DOCK5: variants seen among roughly 807,000 people sequenced by gnomAD.
The protein encoded by DOCK5 is dedicator of cytokinesis protein 5.
In DOCK5, 142 loss-of-function variants were observed where a neutral mutation model predicts 251.8. The observed-to-expected ratio is 0.56, with a 90% CI of 0.49 to 0.65. The LOEUF is 0.65. Ranked by LOEUF, DOCK5 falls within the 30% of genes least tolerant of loss-of-function variation. DOCK5 has a pLI of 0.00. For missense variants in DOCK5, 2,111 were observed against 2,312.3 expected, an observed-to-expected ratio of 0.91 and a Z score of 1.79; for synonymous variants, 842 against 835.5, an observed-to-expected ratio of 1.01 and a Z score of -0.13.
intron 7 of DOCK5, 87 bp from the exon 8 acceptor site, chr8:25,298,857 C>T (rs977955606): frequency 1.4e-6 from 2 of 1,382,058 alleles, no homozygotes; most frequent in South Asian, 1.5e-5. Context: ...CTGCCATTTG[C>T]AGGCTTATTT....
chr8:25,296,701 G>A, intron 7 of DOCK5, 53 bp downstream of exon 7: 2 of 1,591,480 alleles, frequency 1.3e-6, no homozygotes, highest in Non-Finnish European at 1.7e-6. Flanking sequence ...TTTTTGCCTT[G>A]GTTTTTAATG....
At position 25,296,500 on chromosome 8, in the gene DOCK5, C is replaced by G. The variant is rs764714809; in HGVS notation, c.471-13C>G. On this transcript the variant is annotated splice_polypyrimidine_tract_variant and intron_variant, in intron 6 of 51. Transcript: ENST00000276440. ...TGGTGAGGAGAACCAGCTGACTACTCCTTTCTCTCCAGAATGCTGGGGTTA... is the reference window on the plus strand; with the variant it reads ...TGGTGAGGAGAACCAGCTGACTACTGCTTTCTCTCCAGAATGCTGGGGTTA... The G allele has an allele frequency of 1.2e-6, 2 of 1,604,458 alleles. No homozygotes were observed. Among genetic ancestry groups the G allele is most frequent in the Non-Finnish European group, 8.5e-7 (1 of 1,175,472 alleles).
intron 1 of DOCK5, among the ~76,000 whole-genome samples, chr8:25,196,189 G>A (rs752853247): frequency 8.5e-5 from 13 of 152,116 alleles, no homozygotes; most frequent in Non-Finnish European, 1.5e-4. Flanking sequence ...TTTTATTTTT[G>A]GGTCATTATT....
intron 22 of DOCK5, among the ~76,000 whole-genome samples, 189 bp downstream of exon 22, chr8:25,336,562 T>C (rs1054590819): frequency 2.6e-5 from 4 of 152,186 alleles, no homozygotes; most frequent in Non-Finnish European, 5.9e-5. Flanking sequence ...GAAGTTTTTG[T>C]AGATCAGCAA....
intron 2 of DOCK5, among the ~76,000 whole-genome samples, chr8:25,267,216 T>G (rs1369418528): frequency 6.6e-6 from 1 of 152,136 alleles, no homozygotes; most frequent in Non-Finnish European, 1.5e-5. Flanking sequence ...CTCTTACACC[T>G]TGGCATCCTA....
chr8:25,321,659 G>A (rs1334276397), intron 16 of DOCK5, among the ~76,000 whole-genome samples: 1 of 152,142 alleles, frequency 6.6e-6, no homozygotes, highest in Non-Finnish European at 1.5e-5. Context: ...AATGCGAGCA[G>A]TGGGGAGCAG....
rs765637091 is a variant in DOCK5 at position 25,363,148 on chromosome 8, C to T, written c.3044+7C>T. On this transcript the variant is annotated splice_region_variant and intron_variant, in intron 29 of 51. Coordinates refer to ENST00000276440, the MANE Select transcript of DOCK5 (RefSeq NM_024940.8). Reference sequence around the variant, plus strand: ...TGAATATGACTCAAAACAGGTGAGACAGCCCATGGCTGGCCCTGAGGCATT... The same window carrying T: ...TGAATATGACTCAAAACAGGTGAGATAGCCCATGGCTGGCCCTGAGGCATT... 1.3e-5 allele frequency: 21 copies of T among 1,612,454 alleles called. No individual in the cohort carries two copies. The highest frequency in any genetic ancestry group is 1.5e-5 in the Non-Finnish European group (18 of 1,178,622).
rs541988444 is a variant in DOCK5, at chr8:25,260,697, A to G, written c.128-8148A>G. 7.6e-4 allele frequency among the ~76,000 whole-genome samples: 116 copies of G among 152,340 alleles called. 1 individual carries two copies. The highest frequency in any genetic ancestry group is 2.7e-3 in the African/African-American group (111 of 41,570). The stretch of plus-strand genomic sequence containing the variant: ...ACAATGTCTGGCACACTGGTGTTCA[A>G]TAAATGTTTTCATGTATAATGAATG... On this transcript the variant is annotated intron_variant, in intron 2 of 51. Coordinates refer to ENST00000276440, the MANE Select transcript of DOCK5 (RefSeq NM_024940.8).
intron 45 of DOCK5, 29 bp downstream of exon 45, chr8:25,395,748 A>T (rs759516556): frequency 6.2e-7 from 1 of 1,602,590 alleles, no homozygotes; most frequent in South Asian, 1.1e-5. Context: ...TCCCCTAGGG[A>T]TTCACAGACC....
intron 12 of DOCK5, 65 bp downstream of exon 12, chr8:25,308,990 C>T (rs1157498022): frequency 6.4e-7 from 1 of 1,557,988 alleles, no homozygotes; most frequent in Non-Finnish European, 8.7e-7. Flanking sequence ...CAGCTGGGTC[C>T]TTGGACTCCT....
At chr8:25,312,116 A>AAGAT (rs1261432633) in intron 13 of DOCK5, among the ~76,000 whole-genome samples, 1 of 152,156 alleles carries the variant, frequency 6.6e-6, no homozygotes. Flanking sequence ...CTCATAAAAG[A>AAGAT]AGATAGTTTT....
chr8:25,336,129 A>G lies in DOCK5; in HGVS notation c.2193-110A>G, dbSNP rs927104511. ...AGGGCATATTCTAGAAGATATAATT[A>G]GTTATGACTTCTACTTCCAGGATGC... On this transcript the variant is annotated intron_variant, in intron 21 of 51. Coordinates refer to ENST00000276440, the MANE Select transcript of DOCK5 (RefSeq NM_024940.8). 2.3e-5 allele frequency: 27 copies of G among 1,177,062 alleles called. No individual in the cohort carries two copies. The African/African-American group carries it at 3.2e-4, about 14-fold the overall frequency. 72.9% of individuals were successfully genotyped at this position (1,177,062 alleles called of 1,614,324 possible).
chr8:25,352,452 C>T (rs1800488421), intron 27 of DOCK5, among the ~76,000 whole-genome samples: 1 of 152,030 alleles, frequency 6.6e-6, no homozygotes, highest in African/African-American at 2.4e-5. Context: ...TCTGTGCACT[C>T]TATCTAAACA....
At chr8:25,325,275 C>T in intron 17 of DOCK5, 89 bp from the exon 18 acceptor site, 1 of 1,408,970 alleles carries the variant, frequency 7.1e-7, no homozygotes, top group South Asian at 1.3e-5. Flanking sequence ...CCACGCTTCT[C>T]ATGCTGAAAA....
chr8:25,225,924 G>A (rs1206544104), intron 1 of DOCK5, among the ~76,000 whole-genome samples: 1 of 152,134 alleles, frequency 6.6e-6, no homozygotes, highest in Admixed American at 6.5e-5. Flanking sequence ...CTGAATGAGT[G>A]TAGAGTTACA....
intron 5 of DOCK5, among the ~76,000 whole-genome samples, chr8:25,280,658 A>T (rs1586290632): frequency 6.6e-6 from 1 of 152,012 alleles, no homozygotes; most frequent in Non-Finnish European, 1.5e-5. Flanking sequence ...TCATCATCTG[A>T]CCCTTGGGGC....
At chr8:25,252,385 G>T (rs1045280251) in intron 2 of DOCK5, among the ~76,000 whole-genome samples, 1 of 152,150 alleles carries the variant, frequency 6.6e-6, no homozygotes, top group African/African-American at 2.4e-5. Context: ...TTTGTTACCC[G>T]CTAATTAAAA....
At chr8:25,348,525 T>G (rs1036679373) in intron 26 of DOCK5, among the ~76,000 whole-genome samples, 8 of 152,004 alleles carry the variant, frequency 5.3e-5, no homozygotes, top group Non-Finnish European at 1.0e-4. Context: ...TCTAGGGAGA[T>G]TCTTGTGTTA....
At chr8:25,222,875 C>T (rs1262622084) in intron 1 of DOCK5, among the ~76,000 whole-genome samples, 1 of 152,198 alleles carries the variant, frequency 6.6e-6, no homozygotes, top group African/African-American at 2.4e-5. Context: ...GTCTTGCACG[C>T]TTGGTGCCCT....
Sources: allele counts gnomAD v4.1 joint callset (sites outside exome capture counted in the v4.1 genomes callset), GRCh38; gene constraint gnomAD v4.1.1; transcripts MANE v1.5; gene names NCBI Gene and HGNC (gene_info 2026-07-23, HGNC 2026-07-21).